LIPI: variants seen among roughly 807,000 people sequenced by gnomAD.
The protein encoded by LIPI is lipase member I.
LIPI carries 59 observed loss-of-function variants against 50.6 expected under a neutral mutation model. The observed-to-expected ratio is 1.16, with a 90% CI of 0.94 to 1.45. LIPI has a LOEUF of 1.45. Among genes scored for constraint, LIPI ranks in the 40% most tolerant of loss-of-function variants. The pLI is 0.00. For synonymous variants in LIPI, 203 were observed against 178.2 expected (o/e 1.14, Z -1.11); for missense variants, 586 against 536.3 (o/e 1.09, Z -0.92).
At chr21:14,118,130 G>A (rs890624653) in intron 9 of LIPI, among the ~76,000 whole-genome samples, 2 of 152,002 alleles carry the variant, frequency 1.3e-5, no homozygotes, top group African/African-American at 4.8e-5. Flanking sequence ...ACTGGACAGA[G>A]CCCCCTTCCG....
intron 8 of LIPI, among the ~76,000 whole-genome samples, chr21:14,149,702 C>A (rs1250427617): frequency 2.0e-5 from 3 of 152,204 alleles, no homozygotes; most frequent in African/African-American, 7.2e-5. Flanking sequence ...GGGCTACAGG[C>A]CCCATCCAAG....
At chr21:14,142,623 C>T (rs562444843) in intron 9 of LIPI, among the ~76,000 whole-genome samples, 1 of 151,422 alleles carries the variant, frequency 6.6e-6, no homozygotes, top group East Asian at 1.9e-4. Context: ...GCTGGGACTA[C>T]AGGCACGCAC....
intron 8 of LIPI, among the ~76,000 whole-genome samples, chr21:14,147,194 T>C (rs1364342582): frequency 6.6e-6 from 1 of 152,170 alleles, no homozygotes; most frequent in East Asian, 1.9e-4. Context: ...AGTAGGGCAA[T>C]GACTGCTGTT....
rs1476856493 is a variant in LIPI, at chr21:14,113,104, C to T, written c.1296-4024G>A. On this transcript the variant is annotated intron_variant, in intron 9 of 9. Transcript: ENST00000681601. ...GAAAGGTTTAACCCCAGTAACATAA[C>T]AGTATTTTGAGAATAGAATTTAAGA... 5.9e-5 allele frequency among the ~76,000 whole-genome samples: 9 copies of T among 152,142 alleles called. No homozygotes were observed. The East Asian group carries it at 1.7e-3, about 29-fold the overall frequency.
chr21:14,116,159 C>T (rs1047468911), intron 9 of LIPI, among the ~76,000 whole-genome samples: 1 of 151,982 alleles, frequency 6.6e-6, no homozygotes. Context: ...GAGAGAGGCT[C>T]GTTTCATCTG....
chr21:14,164,196 AAT>A (rs1321767839), intron 6 of LIPI, among the ~76,000 whole-genome samples: 2 of 151,988 alleles, frequency 1.3e-5, no homozygotes, highest in Non-Finnish European at 2.9e-5. Context: ...TTGAGATTTG[AAT>A]ATGGTAGAAA....
intron 9 of LIPI, among the ~76,000 whole-genome samples, chr21:14,124,322 A>G (rs1402702880): frequency 1.3e-5 from 2 of 152,192 alleles, no homozygotes; most frequent in Non-Finnish European, 2.9e-5. Flanking sequence ...TGAAGAAAGA[A>G]TTCATGAATT....
At chr21:14,161,823 TATA>T (rs1277573261) in intron 7 of LIPI, among the ~76,000 whole-genome samples, 2 of 76,590 alleles carry the variant, frequency 2.6e-5, no homozygotes, top group African/African-American at 5.9e-5. Flanking sequence ...TATATACAAA[TATA>T]TATTAATATA....
intron 9 of LIPI, among the ~76,000 whole-genome samples, chr21:14,118,199 T>C (rs1363073885): frequency 1.3e-5 from 2 of 152,066 alleles, no homozygotes; most frequent in Middle Eastern, 3.2e-3. Context: ...CAGAAGCCAA[T>C]GACTACCTTG....
chr21:14,177,994 GTTGT>G (rs1281369441), intron 4 of LIPI, among the ~76,000 whole-genome samples: 1 of 152,072 alleles, frequency 6.6e-6, no homozygotes, highest in Non-Finnish European at 1.5e-5. Flanking sequence ...TATCTTAGCA[GTTGT>G]TTCCTTTCAC....
chr21:14,116,944 C>G (rs944308895), intron 9 of LIPI, among the ~76,000 whole-genome samples: 1 of 152,202 alleles, frequency 6.6e-6, no homozygotes, highest in African/African-American at 2.4e-5. Context: ...ATTTATCCAT[C>G]TCTGGCAAGG....
chr21:14,137,715 A>G (rs992978905), intron 9 of LIPI, among the ~76,000 whole-genome samples: 10 of 152,194 alleles, frequency 6.6e-5, no homozygotes, highest in African/African-American at 2.4e-4. Flanking sequence ...AATAACAGGG[A>G]TAATACCCAA....
chr21:14,186,150 C>T, intron 2 of LIPI, 81 bp from the exon 3 acceptor site: 1 of 808,526 alleles, frequency 1.2e-6, no homozygotes. Context: ...ATCGACATTT[C>T]AAAATTCATT....
chr21:14,191,376 C>CAAAA (rs71183411), intron 1 of LIPI, among the ~76,000 whole-genome samples: 1 of 86,294 alleles, frequency 1.2e-5, no homozygotes, highest in Admixed American at 1.3e-4. Flanking sequence ...GACTCCGTCT[C>CAAAA]AAAAAAAAAA....
intron 1 of LIPI, among the ~76,000 whole-genome samples, chr21:14,191,926 T>A (rs893554658): frequency 3.3e-5 from 5 of 152,160 alleles, no homozygotes; most frequent in African/African-American, 1.2e-4. Flanking sequence ...ATGTGCTAGG[T>A]TCTAGTCACC....
Position 14,179,933 on chromosome 21 carries a change from C to T in LIPI, c.643+1825G>A, listed in dbSNP as rs139727314. ...GCCTGTGGGGTCGGGCAAAAAGAGC[C>T]ATATTTTTCTTCTTGCAGAGAGCGT... is the stretch of plus-strand genomic sequence containing the variant. On this transcript the variant is annotated intron_variant, in intron 4 of 9. Coordinates refer to ENST00000681601, the MANE Select transcript of LIPI (RefSeq NM_001302998.2). Among the ~76,000 whole-genome samples, 114 of 152,230 alleles carry T rather than the reference C, an allele frequency of 7.5e-4. No individual in the cohort carries two copies. The East Asian group carries it at 0.017, about 22-fold the overall frequency.
At chr21:14,154,572 T>C (rs2018211216) in intron 7 of LIPI, among the ~76,000 whole-genome samples, 1 of 151,938 alleles carries the variant, frequency 6.6e-6, no homozygotes, top group Non-Finnish European at 1.5e-5. Flanking sequence ...TATTATTAAA[T>C]GAGAAATGGA....
intron 7 of LIPI, among the ~76,000 whole-genome samples, chr21:14,158,837 T>A (rs990052592): frequency 6.6e-6 from 1 of 150,768 alleles, no homozygotes. Context: ...AATGCAATCA[T>A]TAAAAAGATA....
chr21:14,170,742 AC>A, intron 4 of LIPI, among the ~76,000 whole-genome samples: 1 of 151,398 alleles, frequency 6.6e-6, no homozygotes, highest in East Asian at 1.9e-4. Context: ...TCTATGACAA[AC>A]CCACAGCCAA....
Sources: gnomAD v4.1 joint callset for allele counts (sites outside exome capture counted in the v4.1 genomes callset) on GRCh38, gnomAD v4.1.1 for gene constraint, MANE v1.5 for transcripts, NCBI Gene and HGNC (gene_info 2026-07-23, HGNC 2026-07-21) for gene names.